Variants in CCT3 observed in about 807,000 individuals in gnomAD.
CCT3 encodes the protein T-complex protein 1 subunit gamma.
In CCT3, 10 loss-of-function variants were observed where a neutral mutation model predicts 65.3. The observed-to-expected ratio is 0.15, with a 90% CI of 0.09 to 0.26. CCT3 has a LOEUF of 0.26. Ranked by LOEUF, CCT3 falls within the 10% of genes least tolerant of loss-of-function variation. The probability of loss-of-function intolerance (pLI) is 1.00; values close to 1 mark genes in which losing one functional copy is unlikely to be tolerated. For missense variants in CCT3, 626 were observed against 708.7 expected, an observed-to-expected ratio of 0.88 and a Z score of 1.33; for synonymous variants, 225 against 242.3, an observed-to-expected ratio of 0.93 and a Z score of 0.66.
intron 4 of CCT3, among the ~76,000 whole-genome samples, chr1:156,334,454 G>C (rs879559269): frequency 1.2e-4 from 18 of 152,262 alleles, no homozygotes; most frequent in Admixed American, 1.2e-3. Flanking sequence ...TCATGCCAAA[G>C]AAAGCCAGCA....
chr1:156,317,460 T>C lies in CCT3; in HGVS notation c.847A>G (p.Ile283Val), dbSNP rs1664356991. The C allele has an allele frequency of 2.5e-6, 4 of 1,614,032 alleles. No individual in the cohort carries two copies. Among genetic ancestry groups the C allele is most frequent in the Non-Finnish European group, 2.5e-6 (3 of 1,179,900 alleles). ...EYIQQLCEDI[I>V]QLKPDVVITE... ...ATGACCACATCGGGCTTCAGTTGGA[T>C]AATGTCCTCACAGAGCTGCTGGATG... The change falls in exon 9 of 14, where the codon ATC (isoleucine) becomes GTC (valine). Residue 283 changes from isoleucine to valine, a missense_variant. By Grantham distance (29) the Ile-to-Val change is conservative (BLOSUM62 3). Coordinates refer to ENST00000295688, the MANE Select transcript of CCT3 (RefSeq NM_005998.5).
intron 10 of CCT3, among the ~76,000 whole-genome samples, chr1:156,312,527 T>G (rs772096365): frequency 3.9e-5 from 6 of 152,044 alleles, no homozygotes; most frequent in African/African-American, 1.4e-4. Flanking sequence ...GGCACAGTGA[T>G]GCATACCTGT....
chr1:156,330,033 G>A (rs1665041471), intron 5 of CCT3, among the ~76,000 whole-genome samples: 1 of 151,842 alleles, frequency 6.6e-6, no homozygotes. Flanking sequence ...ATTTCTTTAG[G>A]GCTGGTCAAG....
intron 7 of CCT3, among the ~76,000 whole-genome samples, chr1:156,320,309 T>C (rs1056061674): frequency 2.0e-5 from 3 of 152,102 alleles, no homozygotes; most frequent in African/African-American, 7.2e-5. Flanking sequence ...TTTTAAAGGC[T>C]GAGGCAGGAG....
At chr1:156,337,023 G>A (rs1280516275) in intron 1 of CCT3, 19 of 1,234,224 alleles carry the variant, frequency 1.5e-5, no homozygotes, top group Non-Finnish European at 2.0e-5. Flanking sequence ...GAGGGGAGAT[G>A]GCTAGCCAGG....
intron 5 of CCT3, among the ~76,000 whole-genome samples, chr1:156,328,694 T>C (rs1327430655): frequency 5.9e-5 from 9 of 151,832 alleles, no homozygotes; most frequent in African/African-American, 1.9e-4. Flanking sequence ...TCCCTAATCT[T>C]AAGTACCCAG....
At chr1:156,317,383 A>G in intron 9 of CCT3, 32 bp downstream of exon 9, 1 of 1,603,250 alleles carries the variant, frequency 6.2e-7, no homozygotes, top group Non-Finnish European at 8.5e-7. Context: ...GTCTACCTCA[A>G]AGGTAGGCTG....
intron 8 of CCT3, among the ~76,000 whole-genome samples, chr1:156,318,058 A>G (rs990247226): frequency 3.9e-5 from 6 of 151,964 alleles, no homozygotes; most frequent in African/African-American, 1.4e-4. Flanking sequence ...AAAGTCACAC[A>G]GTAATTAGTG....
chr1:156,314,482 AGGTG>A (rs891212578), intron 10 of CCT3, among the ~76,000 whole-genome samples: 176 of 151,134 alleles, frequency 1.2e-3, no homozygotes, highest in African/African-American at 4.1e-3. Flanking sequence ...TGGGAGGCTG[AGGTG>A]GGTGGATCAC....
chr1:156,335,984 T>G (rs756212242), intron 1 of CCT3, 96 bp from the exon 2 acceptor site: 81 of 922,574 alleles, frequency 8.8e-5, no homozygotes, highest in Non-Finnish European at 1.4e-4. Flanking sequence ...AATGCAGGTT[T>G]CATGGTATAT....
At chr1:156,323,820 TG>T (rs1664680579) in intron 6 of CCT3, among the ~76,000 whole-genome samples, 1 of 151,754 alleles carries the variant, frequency 6.6e-6, no homozygotes, top group African/African-American at 2.4e-5. Context: ...TGGAGTGCAA[TG>T]GTGCGATCCT....
rs1435958519 is a variant in CCT3 at position 156,328,238 on chromosome 1, G to A, written c.305-3149C>T. Among the ~76,000 whole-genome samples, 11 of 141,786 alleles carry A rather than the reference G, an allele frequency of 7.8e-5. No homozygotes were observed. In the Admixed American group the frequency reaches 7.9e-4, roughly 10 times the overall value. 93.0% of individuals were successfully genotyped at this position (141,786 alleles called of 152,430 possible). ...CCCCCGTCCGGGAGGGAGGTAGGGG[G>A]GTCAGCCCCCGGCCCGGCCAGCCGC... On this transcript the variant is annotated intron_variant, in intron 5 of 13. Coordinates refer to ENST00000295688, the MANE Select transcript of CCT3 (RefSeq NM_005998.5).
chr1:156,328,808 A>ACCCTGCCAAATCCCCCTCTGC (rs1330253757), intron 5 of CCT3, among the ~76,000 whole-genome samples: 1 of 151,864 alleles, frequency 6.6e-6, no homozygotes, highest in African/African-American at 2.4e-5. Flanking sequence ...TTGTCCTATG[A>ACCCTGCCAAATCCCCCTCTGC]CCCTGCCAAA....
chr1:156,335,689 G>T, intron 2 of CCT3, 138 bp downstream of exon 2: 1 of 627,206 alleles, frequency 1.6e-6, no homozygotes, highest in East Asian at 2.8e-5. Flanking sequence ...TCAGGAAAAT[G>T]TTCTGAAAGA....
chr1:156,309,173 T>G lies in CCT3; in HGVS notation c.*26A>C, dbSNP rs114487463. On this transcript the variant is annotated 3_prime_UTR_variant, in exon 14 of 14. Transcript: ENST00000295688. ...AAAAGGGGAGACTCTGCTGGTTCTG[T>G]GCATTGAAGTAGCCTTGCCTAGCAC... is the stretch of plus-strand genomic sequence containing the variant. 1.9e-3 allele frequency: 2,656 copies of G among 1,426,274 alleles called. 43 individuals carry two copies. In the African/African-American group the frequency reaches 0.033, roughly 18 times the overall value. The allele number at this position is 1,426,274 out of a possible 1,614,324, so 88.4% of individuals were successfully genotyped here. A position where few individuals can be genotyped will look rare whatever the true frequency, so the allele number is the denominator to read the frequency against.
At chr1:156,319,334 T>C (rs921094981) in intron 7 of CCT3, among the ~76,000 whole-genome samples, 10 of 151,944 alleles carry the variant, frequency 6.6e-5, no homozygotes, top group Admixed American at 1.3e-4. Flanking sequence ...GCCAGGATGG[T>C]CTCGATCTCC....
At chr1:156,320,031 T>C (rs1029897689) in intron 7 of CCT3, among the ~76,000 whole-genome samples, 3 of 152,126 alleles carry the variant, frequency 2.0e-5, no homozygotes, top group South Asian at 2.1e-4. Flanking sequence ...ACAAAACTAT[T>C]TGAAGAAATT....
intron 2 of CCT3, 76 bp downstream of exon 2, chr1:156,335,751 G>A: frequency 1.6e-6 from 2 of 1,221,268 alleles, no homozygotes; most frequent in African/African-American, 1.5e-5. Flanking sequence ...TAGATGCACA[G>A]GACACATGGC....
chr1:156,331,797 G>A (rs539388266), intron 5 of CCT3, among the ~76,000 whole-genome samples: 1 of 152,198 alleles, frequency 6.6e-6, no homozygotes, highest in South Asian at 2.1e-4. Context: ...ACTTTGGGAG[G>A]CAGAGGCGGG....
Sources: allele counts gnomAD v4.1 joint callset (sites outside exome capture counted in the v4.1 genomes callset), GRCh38; gene constraint gnomAD v4.1.1; transcripts MANE v1.5; gene names NCBI Gene and HGNC (gene_info 2026-07-23, HGNC 2026-07-21).